Variants in TAF4B observed in about 807,000 individuals in gnomAD.
TAF4B encodes TATA-box binding protein associated factor 4b.
A neutral mutation model predicts 86.4 loss-of-function variants in TAF4B; 38 were observed. The ratio of observed to expected loss-of-function variants is 0.44; its 90% CI spans 0.34 to 0.58. The LOEUF is 0.58. Among genes scored for constraint, TAF4B ranks in the 20% least tolerant of loss-of-function variants. The pLI is 0.02. For missense variants in TAF4B, 988 were observed against 1,027.6 expected (o/e 0.96, Z 0.53); for synonymous variants, 388 against 391.2 (o/e 0.99, Z 0.10).
At chr18:26,288,370 C>T (rs1018271230) in intron 7 of TAF4B, among the ~76,000 whole-genome samples, 2 of 152,202 alleles carry the variant, frequency 1.3e-5, no homozygotes. Flanking sequence ...CGCAGCGGCT[C>T]ATGCCTGTAA....
chr18:26,273,932 C>A (rs894606411), intron 3 of TAF4B, among the ~76,000 whole-genome samples: 1 of 152,096 alleles, frequency 6.6e-6, no homozygotes, highest in African/African-American at 2.4e-5. Context: ...AATACTATTC[C>A]TTATCCCTGA....
intron 7 of TAF4B, 24 bp downstream of exon 7, chr18:26,286,523 C>G (rs751741636): frequency 1.9e-6 from 3 of 1,560,336 alleles, no homozygotes; most frequent in African/African-American, 2.8e-5. Context: ...TGTTTCTTCC[C>G]CAGTTACTTA....
intron 9 of TAF4B, among the ~76,000 whole-genome samples, chr18:26,299,897 T>C (rs1164416278): frequency 1.3e-5 from 2 of 152,200 alleles, no homozygotes; most frequent in Non-Finnish European, 1.5e-5. Flanking sequence ...TTTATTTTTG[T>C]AGTTGACTTT....
At chr18:26,273,039 C>T (rs2056340842) in intron 3 of TAF4B, among the ~76,000 whole-genome samples, 1 of 152,056 alleles carries the variant, frequency 6.6e-6, no homozygotes. Context: ...GTTTACTTTT[C>T]TTTTATTATC....
chr18:26,327,010 C>T lies in TAF4B; in HGVS notation c.2134-5C>T. On this transcript the variant is annotated splice_region_variant and splice_polypyrimidine_tract_variant and intron_variant, in intron 11 of 14. Transcript: ENST00000269142. ...TAAGACTTTCTGTTTTCTTTTTTTTCCCAGGCAAGTGAAAATTACATCCTG... is the reference window on the plus strand; with the variant it reads ...TAAGACTTTCTGTTTTCTTTTTTTTTCCAGGCAAGTGAAAATTACATCCTG... The T allele has an allele frequency of 6.2e-7, 1 of 1,607,088 alleles. No homozygotes were observed. The highest frequency in any genetic ancestry group is 8.5e-7 in the Non-Finnish European group (1 of 1,177,546).
At chr18:26,285,831 C>T (rs1309586899) in intron 6 of TAF4B, 51 bp from the exon 7 acceptor site, 1 of 1,554,498 alleles carries the variant, frequency 6.4e-7, no homozygotes, top group African/African-American at 1.4e-5. Context: ...TTTTGTTTCA[C>T]AAGTAGCTGA....
intron 13 of TAF4B, among the ~76,000 whole-genome samples, chr18:26,347,166 C>T (rs1045961605): frequency 9.9e-5 from 15 of 151,342 alleles, no homozygotes; most frequent in South Asian, 2.1e-4. Flanking sequence ...GTGATCCGTC[C>T]GCCTCGGCCT....
rs117430759 is a variant in TAF4B at position 26,238,858 on chromosome 18, C to T, written c.343+11582C>T. Among the ~76,000 whole-genome samples the T allele has an allele frequency of 3.0e-4, 45 of 152,282 alleles. No individual in the cohort carries two copies. In the East Asian group the frequency reaches 8.3e-3, roughly 28 times the overall value. ...TGCGGTGTTTGGTTTTCAGTCCTTG[C>T]AGTAGATTGCTAAGAATGATGGTTT... On this transcript the variant is annotated intron_variant, in intron 1 of 14. Transcript: ENST00000269142.
intron 1 of TAF4B, among the ~76,000 whole-genome samples, chr18:26,245,673 G>C (rs1436021434): frequency 1.3e-5 from 2 of 152,146 alleles, no homozygotes. Context: ...TGCTCTTGCT[G>C]TCTGCAGAGT....
In TAF4B at chr18:26,244,861, A is replaced by G. The variant is rs553394942; in HGVS notation, c.343+17585A>G. ...TAGGACGCAGGAGGCAAGTTTCAGG[A>G]TAGATAGGATAGATGGGTGAGTCTC... On this transcript the variant is annotated intron_variant, in intron 1 of 14. Coordinates refer to ENST00000269142, the MANE Select transcript of TAF4B (RefSeq NM_005640.3). Among the ~76,000 whole-genome samples the G allele has an allele frequency of 9.2e-5, 14 of 152,316 alleles. No homozygotes were observed. The East Asian group carries it at 2.5e-3, about 27-fold the overall frequency.
intron 10 of TAF4B, among the ~76,000 whole-genome samples, chr18:26,320,816 TAAATG>T (rs1423724525): frequency 1.3e-5 from 2 of 152,194 alleles, no homozygotes; most frequent in African/African-American, 4.8e-5. Context: ...CTTTGTCCTA[TAAATG>T]ACCTTGCAAG....
intron 1 of TAF4B, among the ~76,000 whole-genome samples, chr18:26,236,501 C>A (rs574398275): frequency 6.6e-6 from 1 of 152,350 alleles, no homozygotes; most frequent in Non-Finnish European, 1.5e-5. Context: ...TCGGGGGCCT[C>A]TGGCTCAGAG....
chr18:26,233,893 A>G (rs1222528180), intron 1 of TAF4B, among the ~76,000 whole-genome samples: 2 of 152,142 alleles, frequency 1.3e-5, no homozygotes, highest in African/African-American at 4.8e-5. Flanking sequence ...GGACCAAGGG[A>G]TTATTCCTTT....
intron 10 of TAF4B, among the ~76,000 whole-genome samples, chr18:26,317,933 A>G (rs1332044588): frequency 6.6e-6 from 1 of 152,196 alleles, no homozygotes; most frequent in Admixed American, 6.5e-5. Context: ...GTAAAACTTC[A>G]CTTACAAAGA....
chr18:26,250,513 AAAT>A (rs1290422932), intron 1 of TAF4B, among the ~76,000 whole-genome samples: 22 of 143,020 alleles, frequency 1.5e-4, no homozygotes, highest in Admixed American at 4.2e-4. Context: ...AAAAAAAAAA[AAAT>A]TTTTTTTTGT....
At chr18:26,339,445 C>T (rs569572913) in intron 13 of TAF4B, among the ~76,000 whole-genome samples, 40 of 152,154 alleles carry the variant, frequency 2.6e-4, no homozygotes, top group Non-Finnish European at 5.6e-4. Context: ...CCTACCTCAC[C>T]CTACCAAGTG....
intron 12 of TAF4B, among the ~76,000 whole-genome samples, chr18:26,333,503 C>T (rs1598806683): frequency 6.6e-6 from 1 of 152,282 alleles, no homozygotes; most frequent in Admixed American, 6.5e-5. Flanking sequence ...TACCCACCCA[C>T]CTCAGCTTGC....
At chr18:26,261,447 G>A (rs971760857) in intron 1 of TAF4B, among the ~76,000 whole-genome samples, 8 of 152,036 alleles carry the variant, frequency 5.3e-5, no homozygotes, top group East Asian at 1.9e-4. Flanking sequence ...TGATCCGCCC[G>A]CCTCGGCCTC....
chr18:26,298,243 CAG>C (rs1178462651), intron 9 of TAF4B, among the ~76,000 whole-genome samples: 1 of 151,790 alleles, frequency 6.6e-6, no homozygotes, highest in Non-Finnish European at 1.5e-5. Context: ...TATTTTGAGA[CAG>C]AGTCTTGCTC....
Sources: gnomAD v4.1 joint callset for allele counts (sites outside exome capture counted in the v4.1 genomes callset) on GRCh38, gnomAD v4.1.1 for gene constraint, MANE v1.5 for transcripts, NCBI Gene and HGNC (gene_info 2026-07-23, HGNC 2026-07-21) for gene names.